NBAS: variants seen among roughly 807,000 people sequenced by gnomAD.
NBAS encodes the protein NAG/BC035112 fusion.
Under a neutral mutation model 302.5 loss-of-function variants are expected in NBAS, and 219 were observed. That is an observed-to-expected ratio of 0.72 (90% CI 0.65 to 0.81). The LOEUF (loss-of-function observed/expected upper bound fraction) is 0.81, where lower values mean the gene tolerates loss of function less well. Ranked by LOEUF, NBAS falls within the 30% of genes least tolerant of loss-of-function variation. The pLI, the probability that NBAS is intolerant of heterozygous loss-of-function variation, is 0.00. For synonymous variants in NBAS, 1,118 were observed against 1,021.6 expected, an observed-to-expected ratio of 1.09 and a Z score of -1.80; for missense variants, 2,932 against 2,841.6, an observed-to-expected ratio of 1.03 and a Z score of -0.72.
At chr2:15,549,108 G>A (rs1664254427) in intron 6 of NBAS, among the ~76,000 whole-genome samples, 1 of 152,106 alleles carries the variant, frequency 6.6e-6, no homozygotes. Context: ...ACTATGCCGA[G>A]AGTTTTACAT....
At chr2:14,967,225 A>G in the NBAS span, among the ~76,000 whole-genome samples, 1 of 152,336 alleles carries the variant, frequency 6.6e-6, no homozygotes, top group African/African-American at 2.4e-5. Context: ...GTTCTTCCCC[A>G]AACTGATATA....
chr2:15,007,087 G>A, the NBAS span, among the ~76,000 whole-genome samples: 2 of 152,206 alleles, frequency 1.3e-5, no homozygotes, highest in Non-Finnish European at 2.9e-5. Flanking sequence ...TGCCAAGCAA[G>A]GACACAGGAC....
At chr2:15,522,261 G>A (rs1054619568) in intron 9 of NBAS, among the ~76,000 whole-genome samples, 4 of 152,144 alleles carry the variant, frequency 2.6e-5, no homozygotes, top group Non-Finnish European at 4.4e-5. Flanking sequence ...GAAGTATAAG[G>A]ATGGCACTAG....
At chr2:15,475,141 T>C (rs1482101308) in intron 14 of NBAS, among the ~76,000 whole-genome samples, 1 of 152,204 alleles carries the variant, frequency 6.6e-6, no homozygotes, top group Non-Finnish European at 1.5e-5. Flanking sequence ...TTAAGGAACA[T>C]CTTTAGATTC....
the NBAS span, among the ~76,000 whole-genome samples, chr2:14,836,304 C>A: frequency 6.6e-6 from 1 of 151,752 alleles, no homozygotes; most frequent in Non-Finnish European, 1.5e-5. Context: ...TGTGTTACAA[C>A]TATAAATTTT....
At chr2:15,476,987 T>TC (rs1199839014) in intron 13 of NBAS, among the ~76,000 whole-genome samples, 1 of 152,080 alleles carries the variant, frequency 6.6e-6, no homozygotes, top group East Asian at 1.9e-4. Context: ...CAACACTTTT[T>TC]CCCCATGTAA....
the NBAS span, among the ~76,000 whole-genome samples, chr2:14,978,902 C>T: frequency 6.6e-6 from 1 of 152,164 alleles, no homozygotes; most frequent in African/African-American, 2.4e-5. Flanking sequence ...TTTAATCTCA[C>T]TTTTCACAAG....
intron 42 of NBAS, among the ~76,000 whole-genome samples, chr2:15,283,877 T>C (rs924514727): frequency 6.6e-6 from 1 of 152,182 alleles, no homozygotes; most frequent in Non-Finnish European, 1.5e-5. Flanking sequence ...ACCCATGCTG[T>C]CATCAATAGG....
intron 22 of NBAS, among the ~76,000 whole-genome samples, chr2:15,427,401 T>C (rs938134644): frequency 6.6e-6 from 1 of 152,072 alleles, no homozygotes; most frequent in Non-Finnish European, 1.5e-5. Flanking sequence ...CAAAATTGCA[T>C]ACATACCATA....
the NBAS span, among the ~76,000 whole-genome samples, chr2:15,140,370 G>T: frequency 6.6e-6 from 1 of 152,182 alleles, no homozygotes; most frequent in South Asian, 2.1e-4. Context: ...TAATATACGG[G>T]TTGTTGGTTG....
chr2:14,858,673 T>C, the NBAS span, among the ~76,000 whole-genome samples: 14 of 152,020 alleles, frequency 9.2e-5, 1 homozygote, highest in Admixed American at 5.9e-4. Flanking sequence ...GGAAGTGTAG[T>C]GGGGTAGTTG....
At chr2:15,462,667 T>C (rs543745652) in intron 19 of NBAS, among the ~76,000 whole-genome samples, 2 of 152,100 alleles carry the variant, frequency 1.3e-5, no homozygotes, top group Non-Finnish European at 2.9e-5. Context: ...AGTTCACTTG[T>C]AGATGGGTTA....
rs773287447 is a variant in NBAS at position 15,394,244 on chromosome 2, C to T, written c.3240G>A (p.Thr1080=). The T allele has an allele frequency of 7.5e-6, 12 of 1,609,928 alleles. No individual in the cohort carries two copies. The South Asian group carries it at 9.9e-5, about 13-fold the overall frequency. ...EEARKLMVRL[T]RHTGRKQPPV... ...TTACTCACTTCCGGCCAGTGTGCCTCGTCAATCTAACCATCAGCTTGCGTG... is the reference window on the plus strand; with the variant it reads ...TTACTCACTTCCGGCCAGTGTGCCTTGTCAATCTAACCATCAGCTTGCGTG... Residue 1080 remains threonine, a synonymous_variant, in exon 28 of 52, where the codon ACG becomes ACA. Coordinates refer to ENST00000281513, the MANE Select transcript of NBAS (RefSeq NM_015909.4).
chr2:15,394,132 T>G, intron 28 of NBAS, 95 bp downstream of exon 28: 1 of 1,305,396 alleles, frequency 7.7e-7, no homozygotes, highest in Non-Finnish European at 1.0e-6. Context: ...AGTTTATTAT[T>G]AGTTATAACA....
chr2:15,406,121 C>CA (rs1676403404), intron 25 of NBAS, among the ~76,000 whole-genome samples: 2 of 110,198 alleles, frequency 1.8e-5, no homozygotes, highest in East Asian at 2.2e-4. Flanking sequence ...AAAAACAAAA[C>CA]AAAAAAACAT....
At chr2:15,439,122 C>T (rs538179367) in intron 21 of NBAS, among the ~76,000 whole-genome samples, 2 of 151,782 alleles carry the variant, frequency 1.3e-5, no homozygotes, top group East Asian at 3.9e-4. Flanking sequence ...GGTGAAACCC[C>T]GTCTCTACTA....
chr2:15,354,819 C>A (rs1673535244), intron 33 of NBAS, among the ~76,000 whole-genome samples: 1 of 152,164 alleles, frequency 6.6e-6, no homozygotes, highest in Non-Finnish European at 1.5e-5. Flanking sequence ...GTCAGTTTAG[C>A]CAGAATCCTC....
intron 12 of NBAS, among the ~76,000 whole-genome samples, chr2:15,484,328 T>C (rs993944811): frequency 1.3e-5 from 2 of 152,214 alleles, no homozygotes; most frequent in Non-Finnish European, 2.9e-5. Flanking sequence ...GTAGATATTC[T>C]GAAAAAAGGC....
chr2:15,469,393 T>C (rs1370115256), intron 16 of NBAS, among the ~76,000 whole-genome samples: 2 of 152,212 alleles, frequency 1.3e-5, no homozygotes, highest in Non-Finnish European at 2.9e-5. Context: ...GAGATTCTGG[T>C]ATGTTGTGTC....
Sources: gnomAD v4.1 joint callset for allele counts (sites outside exome capture counted in the v4.1 genomes callset) on GRCh38, gnomAD v4.1.1 for gene constraint, MANE v1.5 for transcripts, NCBI Gene and HGNC (gene_info 2026-07-23, HGNC 2026-07-21) for gene names.